Variants in RPAP1 observed in about 807,000 individuals in gnomAD.
The protein encoded by RPAP1 is RNA polymerase II-associated protein 1.
RPAP1 carries 109 observed loss-of-function variants against 142.4 expected under a neutral mutation model. The observed-to-expected ratio is 0.77, with a 90% CI of 0.66 to 0.90. The LOEUF is 0.90. Among genes scored for constraint, RPAP1 ranks in the 40% least tolerant of loss-of-function variants. The probability of loss-of-function intolerance (pLI) is 0.00; values close to 1 mark genes in which losing one functional copy is unlikely to be tolerated. For synonymous variants in RPAP1, 704 were observed against 738.9 expected (o/e 0.95, Z 0.77); for missense variants, 1,546 against 1,751.7 (o/e 0.88, Z 2.10).
chr15:41,524,008 T>C (rs1285824888), intron 16 of RPAP1, 36 bp from the exon 17 acceptor site: 3 of 1,612,356 alleles, frequency 1.9e-6, no homozygotes. Flanking sequence ...AGTGAGGATC[T>C]GGCTGCCTCA....
rs759699618 is a variant in RPAP1, at chr15:41,524,769, C to T, written c.2075+222G>A. ...GATTACAGGCATGAGCCACAGTGCC[C>T]GGCTAATGATTTTGAGCATAGAATA... is the stretch of plus-strand genomic sequence containing the variant. On this transcript the variant is annotated intron_variant, in intron 15 of 24. Transcript: ENST00000304330. 1.2e-4 allele frequency among the ~76,000 whole-genome samples: 19 copies of T among 152,256 alleles called. 1 individual carries two copies. Among genetic ancestry groups the T allele is most frequent in the East Asian group, 3.9e-4 (2 of 5,176 alleles).
intron 1 of RPAP1, among the ~76,000 whole-genome samples, chr15:41,543,004 C>T (rs552227445): frequency 2.9e-4 from 44 of 152,162 alleles, no homozygotes; most frequent in South Asian, 1.9e-3. Context: ...AGAAACAATT[C>T]CTACTTATCC....
chr15:41,537,330 T>G, intron 1 of RPAP1, 129 bp from the exon 2 acceptor site: 1 of 567,040 alleles, frequency 1.8e-6, no homozygotes, highest in Admixed American at 3.2e-5. Flanking sequence ...CTTACTGCCA[T>G]TCCCTCTGTC....
chr15:41,537,184 G>A lies in RPAP1; in HGVS notation c.-59C>T. On this transcript the variant is annotated 5_prime_UTR_variant, in exon 2 of 25. Transcript: ENST00000304330. ...TCTCCAGCAGTGTCTCCGTGTGGGG[G>A]TTCCCTCTTATTCATCCCTAAGAGC... 2.0e-6 allele frequency: 3 copies of A among 1,530,590 alleles called. No individual in the cohort carries two copies. Among genetic ancestry groups the A allele is most frequent in the Middle Eastern group, 1.7e-4 (1 of 5,746 alleles). 94.8% of individuals were successfully genotyped at this position (1,530,590 alleles called of 1,614,324 possible). A position where few individuals can be genotyped will look rare whatever the true frequency, so the allele number is the denominator to read the frequency against.
intron 10 of RPAP1, 88 bp downstream of exon 10, chr15:41,528,147 G>A (rs1368504898): frequency 6.6e-7 from 1 of 1,510,332 alleles, no homozygotes; most frequent in Non-Finnish European, 9.0e-7. Context: ...TGGCTAGTGA[G>A]CCAGAGTGAA....
At chr15:41,530,422 G>C (rs1374342961) in intron 7 of RPAP1, among the ~76,000 whole-genome samples, 1 of 152,150 alleles carries the variant, frequency 6.6e-6, no homozygotes, top group Non-Finnish European at 1.5e-5. Flanking sequence ...AAATCCCACA[G>C]CATTTTCCTC....
intron 2 of RPAP1, 111 bp from the exon 3 acceptor site, chr15:41,536,760 C>G: frequency 6.9e-7 from 1 of 1,454,214 alleles, no homozygotes; most frequent in South Asian, 1.3e-5. Flanking sequence ...GCTGTGTCAT[C>G]TTGGGTAAGA....
intron 17 of RPAP1, 82 bp downstream of exon 17, chr15:41,523,689 G>A: frequency 1.7e-6 from 2 of 1,187,376 alleles, no homozygotes; most frequent in South Asian, 2.6e-5. Flanking sequence ...TGGAGAGATG[G>A]ACACAGAGAG....
Position 41,517,806 on chromosome 15 carries a change from C to T in RPAP1, c.4024G>A (p.Ala1342Thr), listed in dbSNP as rs756619389. 1 of 1,614,168 alleles carries T rather than the reference C, an allele frequency of 6.2e-7. No homozygotes were observed. The highest frequency in any genetic ancestry group is 8.5e-7 in the Non-Finnish European group (1 of 1,180,030). ...RSMLQKTWLL[A>T]DEGLRQHLLH... is the part of the protein sequence containing the mutation. ...AATGGCCCTGACCCTACCTCATCTG[C>T]CAGCAGCCATGTTTTCTGCAGCATA... The change falls in exon 24 of 25, where the codon GCA (alanine) becomes ACA (threonine). Residue 1342 changes from alanine to threonine, a missense_variant. Physicochemically the swap from Ala to Thr is moderately conservative, Grantham distance 58 (BLOSUM62 0). Coordinates refer to ENST00000304330, the MANE Select transcript of RPAP1 (RefSeq NM_015540.4).
intron 1 of RPAP1, among the ~76,000 whole-genome samples, chr15:41,539,820 G>A (rs1700286500): frequency 2.0e-5 from 3 of 151,810 alleles, no homozygotes; most frequent in Admixed American, 6.6e-5. Flanking sequence ...GGTGGCTCAC[G>A]AGGTCAGGAG....
At chr15:41,527,704 C>T in intron 11 of RPAP1, 99 bp from the exon 12 acceptor site, 1 of 1,456,420 alleles carries the variant, frequency 6.9e-7, no homozygotes, top group Non-Finnish European at 9.2e-7. Flanking sequence ...TAAAGGCAAG[C>T]CTCCTGGGCT....
At position 41,535,592 on chromosome 15, in the gene RPAP1, T is replaced by C. The variant is rs909076050; in HGVS notation, c.461A>G (p.Gln154Arg). 2 of 1,614,134 alleles carry C rather than the reference T, an allele frequency of 1.2e-6. No homozygotes were observed. The highest frequency in any genetic ancestry group is 1.7e-6 in the Non-Finnish European group (2 of 1,180,010). The change falls in exon 5 of 25, where the codon CAG (glutamine) becomes CGG (arginine). Residue 154 changes from glutamine (Q) to arginine (R), a missense_variant. Transcript: ENST00000304330. ...ATSGKRSIFAQEIAARRIAEA... is the reference protein window; with the variant it reads ...ATSGKRSIFAREIAARRIAEA... ...AGCTATCCTCCTTGCCGCAATTTCCTGGGCAAAGATGCTTCTCTTACCAGA... is the reference window on the plus strand; with the variant it reads ...AGCTATCCTCCTTGCCGCAATTTCCCGGGCAAAGATGCTTCTCTTACCAGA...
At chr15:41,525,222 A>T (rs1399613470) in intron 14 of RPAP1, 74 bp from the exon 15 acceptor site, 3 of 1,409,564 alleles carry the variant, frequency 2.1e-6, no homozygotes, top group Non-Finnish European at 2.9e-6. Context: ...CTGGACAGAG[A>T]GTGGCTTAAC....
chr15:41,522,700 C>CCCCCATTA, intron 19 of RPAP1, 65 bp downstream of exon 19: 1 of 1,232,460 alleles, frequency 8.1e-7, no homozygotes, highest in Non-Finnish European at 1.1e-6. Context: ...CACCCTCCCA[C>CCCCCATTA]TTTCTTTCTG....
rs1170792821 is a variant in RPAP1, at chr15:41,522,074, AACCTGTCAGACAGGGGG to A, written c.2895+7_2895+23del. ...GAAGGAGATAATGGGATGACAGGAG[AACCTGTCAGACAGGGGG>A]ACCTACCGCTTTCTGGGCCAGAGCG... is the stretch of plus-strand genomic sequence containing the variant. On this transcript the variant is annotated splice_region_variant and intron_variant, in intron 20 of 24. Coordinates refer to ENST00000304330, the MANE Select transcript of RPAP1 (RefSeq NM_015540.4). The A allele has an allele frequency of 6.2e-7, 1 of 1,609,490 alleles. No individual in the cohort carries two copies. Among genetic ancestry groups the A allele is most frequent in the African/African-American group, 1.3e-5 (1 of 74,840 alleles).
In RPAP1 at chr15:41,524,156, A is replaced by C; in HGVS notation, c.2174T>G (p.Leu725Arg). Residue 725 changes from leucine (L) to arginine (R), a missense_variant, in exon 16 of 25, where the codon CTG (leucine) becomes CGG (arginine). This residue lies in a region of RPAP1 where 1,333 missense variants were observed against 1,486.6 expected (regional missense o/e 0.90). Coordinates refer to ENST00000304330, the MANE Select transcript of RPAP1 (RefSeq NM_015540.4). Reference protein sequence around the residue: ...QPLSMQRIASLLTLLTQLTLA... With the variant: ...QPLSMQRIASRLTLLTQLTLA... ...GGTTAGCTGGGTGAGGAGAGTGAGC[A>C]GTGAGGCTATCCGCTGCATGGACAG... 1 of 1,599,592 alleles carries C rather than the reference A, an allele frequency of 6.3e-7. No homozygotes were observed. The highest frequency in any genetic ancestry group is 8.5e-7 in the Non-Finnish European group (1 of 1,171,964).
intron 7 of RPAP1, 76 bp from the exon 8 acceptor site, chr15:41,530,055 C>A (rs950980119): frequency 5.9e-6 from 6 of 1,018,250 alleles, no homozygotes; most frequent in Non-Finnish European, 9.1e-6. Flanking sequence ...CATCACCCAG[C>A]AGCTGCCACA....
intron 19 of RPAP1, chr15:41,522,539 T>G: frequency 1.8e-6 from 1 of 562,356 alleles, no homozygotes; most frequent in Non-Finnish European, 3.1e-6. Context: ...TACAGGCATG[T>G]GCCATCATGC....
At position 41,522,171 on chromosome 15, in the gene RPAP1, G is replaced by A. The variant is rs769814757; in HGVS notation, c.2822C>T (p.Thr941Ile). Residue 941 changes from threonine to isoleucine, a missense_variant, in exon 20 of 25, where the codon ACA (threonine) becomes ATA (isoleucine). Physicochemically the swap from Thr to Ile is moderately conservative, Grantham distance 89 (BLOSUM62 -1). Around this residue, in one of 3 missense-constraint regions of RPAP1, gnomAD observed 1,333 missense variants for 1,486.6 expected, o/e 0.90. Transcript: ENST00000304330. ...CVAPGAAPHL[T>I]PFSAWALRHE... Reference sequence around the variant, plus strand: ...GCGCAGGGCCCATGCAGAGAAAGGTGTGAGGTGTGGGGCAGCCCCAGGAGC... The same window carrying A: ...GCGCAGGGCCCATGCAGAGAAAGGTATGAGGTGTGGGGCAGCCCCAGGAGC... 1 of 1,614,104 alleles carries A rather than the reference G, an allele frequency of 6.2e-7. No homozygotes were observed. Among genetic ancestry groups the A allele is most frequent in the Non-Finnish European group, 8.5e-7 (1 of 1,180,016 alleles).
Sources: gnomAD v4.1 joint callset for allele counts (sites outside exome capture counted in the v4.1 genomes callset) on GRCh38, gnomAD v4.1.1 for gene constraint, gnomAD v4.1.1 regional missense constraint, MANE v1.5 for transcripts, NCBI Gene and HGNC (gene_info 2026-07-23, HGNC 2026-07-21) for gene names.